The following AKAP19 variants were observed in gnomAD, a reference collection of about 807,000 sequenced individuals.
The protein encoded by AKAP19 is A-kinase anchoring protein 19.
chr2:190,092,632 T>C, the AKAP19 span, among the ~76,000 whole-genome samples: 1 of 152,188 alleles, frequency 6.6e-6, no homozygotes, highest in Non-Finnish European at 1.5e-5. Context: ...TTTAAAAACA[T>C]ACACATTAAT....
At chr2:189,967,082 T>C in the AKAP19 span, among the ~76,000 whole-genome samples, 1 of 152,228 alleles carries the variant, frequency 6.6e-6, no homozygotes, top group Non-Finnish European at 1.5e-5. Flanking sequence ...AGTGTGACTT[T>C]GTACATAATT....
At chr2:189,969,470 A>T in the AKAP19 span, among the ~76,000 whole-genome samples, 3 of 152,064 alleles carry the variant, frequency 2.0e-5, no homozygotes, top group Admixed American at 2.0e-4. Flanking sequence ...TACCATTACT[A>T]AAAATGATAA....
chr2:189,950,496 T>C, the AKAP19 span, among the ~76,000 whole-genome samples: 1 of 152,120 alleles, frequency 6.6e-6, no homozygotes, highest in Non-Finnish European at 1.5e-5. Context: ...CTTATCTTAG[T>C]CTTTAGTGTC....
At chr2:190,028,090 C>G in the AKAP19 span, among the ~76,000 whole-genome samples, 21 of 152,182 alleles carry the variant, frequency 1.4e-4, 2 homozygotes, top group South Asian at 3.9e-3. Context: ...CTTCCTGGCT[C>G]TCTTAATTTT....
the AKAP19 span, among the ~76,000 whole-genome samples, chr2:189,998,102 T>C: frequency 6.6e-6 from 1 of 152,194 alleles, no homozygotes; most frequent in Admixed American, 6.5e-5. Context: ...TTTTTGGAGG[T>C]AAGATTTCCC....
chr2:190,161,571 T>C, the AKAP19 span, among the ~76,000 whole-genome samples: 1 of 152,172 alleles, frequency 6.6e-6, no homozygotes, highest in Non-Finnish European at 1.5e-5. Context: ...CCTTCTTTTT[T>C]ATTTTTGTTG....
At chr2:190,164,982 T>G in the AKAP19 span, among the ~76,000 whole-genome samples, 1 of 152,216 alleles carries the variant, frequency 6.6e-6, no homozygotes, top group Non-Finnish European at 1.5e-5. Flanking sequence ...ATCATAGGTA[T>G]GTATTAGCTT....
the AKAP19 span, among the ~76,000 whole-genome samples, chr2:189,880,301 G>A: frequency 3.3e-5 from 5 of 152,002 alleles, no homozygotes; most frequent in Admixed American, 2.6e-4. Flanking sequence ...AAATAAACTT[G>A]GGCTTGGGTC....
At chr2:189,902,836 G>A in the AKAP19 span, among the ~76,000 whole-genome samples, 9 of 151,068 alleles carry the variant, frequency 6.0e-5, no homozygotes, top group African/African-American at 1.9e-4. Context: ...GAAGGTTATC[G>A]GTTTCACTGT....
the AKAP19 span, among the ~76,000 whole-genome samples, chr2:190,166,151 A>G: frequency 3.3e-5 from 5 of 152,034 alleles, no homozygotes; most frequent in East Asian, 9.6e-4. Flanking sequence ...AGAAATATGC[A>G]AAGCAGTTAT....
At chr2:190,095,843 C>T in the AKAP19 span, among the ~76,000 whole-genome samples, 1 of 152,108 alleles carries the variant, frequency 6.6e-6, no homozygotes, top group Non-Finnish European at 1.5e-5. Flanking sequence ...AGGCTGCTGT[C>T]TTCACATCTG....
At chr2:189,964,424 G>C in the AKAP19 span, among the ~76,000 whole-genome samples, 1 of 152,158 alleles carries the variant, frequency 6.6e-6, no homozygotes, top group Non-Finnish European at 1.5e-5. Flanking sequence ...TAAATCACCA[G>C]CTGCATTAGC....
At chr2:190,087,053 T>C in the AKAP19 span, among the ~76,000 whole-genome samples, 3 of 152,188 alleles carry the variant, frequency 2.0e-5, no homozygotes, top group African/African-American at 7.2e-5. Flanking sequence ...TTAGGAATAA[T>C]AATGGAACCA....
At chr2:189,896,476 G>T in the AKAP19 span, among the ~76,000 whole-genome samples, 5 of 151,850 alleles carry the variant, frequency 3.3e-5, no homozygotes, top group African/African-American at 1.2e-4. Flanking sequence ...CGTTCCATAT[G>T]GGCCTAAATG....
the AKAP19 span, among the ~76,000 whole-genome samples, chr2:190,190,833 T>C: frequency 6.6e-6 from 1 of 152,194 alleles, no homozygotes. Flanking sequence ...TCTATGAATT[T>C]TAACGCATGT....
chr2:190,119,502 G>C, the AKAP19 span, among the ~76,000 whole-genome samples: 1 of 152,172 alleles, frequency 6.6e-6, no homozygotes, highest in African/African-American at 2.4e-5. Flanking sequence ...ATACGTGGGG[G>C]TGGCCACGCT....
chr2:190,021,399 T>C, the AKAP19 span, among the ~76,000 whole-genome samples: 32 of 152,356 alleles, frequency 2.1e-4, no homozygotes, highest in East Asian at 6.2e-3. Context: ...TAGTAGTTTG[T>C]TTAAACTTTA....
the AKAP19 span, among the ~76,000 whole-genome samples, chr2:190,037,479 T>C: frequency 6.6e-6 from 1 of 152,230 alleles, no homozygotes; most frequent in Non-Finnish European, 1.5e-5. Flanking sequence ...ATTGAGACTT[T>C]CAAAGACAAA....
the AKAP19 span, among the ~76,000 whole-genome samples, chr2:190,033,556 AT>A: frequency 5.9e-5 from 9 of 152,238 alleles, no homozygotes; most frequent in Non-Finnish European, 7.3e-5. Context: ...AAACCAATTT[AT>A]TTGTAGAATG....
Sources: allele counts gnomAD v4.1 joint callset (sites outside exome capture counted in the v4.1 genomes callset), GRCh38; gene constraint gnomAD v4.1.1; transcripts MANE v1.5; gene names NCBI Gene and HGNC (gene_info 2026-07-23, HGNC 2026-07-21).